Variants in TRRAP observed in about 807,000 individuals in gnomAD.
TRRAP encodes transformation/transcription domain associated protein, also known as transformation/transcription domain-associated protein.
TRRAP carries 41 observed loss-of-function variants against 438.8 expected under a neutral mutation model. The observed-to-expected ratio is 0.09, with a 90% CI of 0.07 to 0.12. The LOEUF (loss-of-function observed/expected upper bound fraction) is 0.12, where lower values mean the gene tolerates loss of function less well. Among genes scored for constraint, TRRAP ranks in the 10% least tolerant of loss-of-function variants. The pLI, the probability that TRRAP is intolerant of heterozygous loss-of-function variation, is 1.00. For synonymous variants in TRRAP, 1,994 were observed against 1,962.9 expected (o/e 1.02, Z -0.42); for missense variants, 3,122 against 5,055.1 (o/e 0.62, Z 11.60).
At chr7:98,901,449 G>T (rs781878382) in intron 11 of TRRAP, among the ~76,000 whole-genome samples, 1 of 152,248 alleles carries the variant, frequency 6.6e-6, no homozygotes, top group South Asian at 2.1e-4. Context: ...ATCCACAGCA[G>T]TAGAATCCCA....
intron 28 of TRRAP, among the ~76,000 whole-genome samples, chr7:98,936,922 T>C (rs143461256): frequency 9.1e-4 from 138 of 152,224 alleles, no homozygotes; most frequent in Non-Finnish European, 1.5e-3. Flanking sequence ...TGCTGGTTGG[T>C]AGGAGCCTTT....
At chr7:98,900,142 A>G (rs1202791156) in intron 10 of TRRAP, among the ~76,000 whole-genome samples, 1 of 151,196 alleles carries the variant, frequency 6.6e-6, no homozygotes, top group Non-Finnish European at 1.5e-5. Flanking sequence ...TCATCTCCAG[A>G]TAGGCTGTGT....
chr7:98,911,214 C>A lies in TRRAP; in HGVS notation c.1950C>A (p.Ile650=). The change falls in exon 17 of 73, where the codon ATC becomes ATA. Residue 650 remains isoleucine (I), a synonymous_variant. Transcript: ENST00000456197. ...TGAACCCCTTAACGTTCAAAGAAAT[C>A]TTCCAAACTACGGTCCCTTATATGG... ...TMMNPLTFKE[I]FQTTVPYMVE... The A allele has an allele frequency of 6.2e-7, 1 of 1,614,182 alleles. No homozygotes were observed. Among genetic ancestry groups the A allele is most frequent in the South Asian group, 1.1e-5 (1 of 91,080 alleles).
chr7:98,923,775 T>G (rs1211247078), intron 21 of TRRAP, among the ~76,000 whole-genome samples: 1 of 152,226 alleles, frequency 6.6e-6, no homozygotes, highest in African/African-American at 2.4e-5. Context: ...CATCACCCTC[T>G]CCTGGTTCCT....
intron 40 of TRRAP, among the ~76,000 whole-genome samples, chr7:98,954,686 C>A (rs1554419088): frequency 2.0e-5 from 3 of 152,224 alleles, no homozygotes; most frequent in Admixed American, 6.5e-5. Context: ...ACATCGGGGC[C>A]TCACCTCTCA....
chr7:98,985,815 A>G (rs146021239), intron 62 of TRRAP, among the ~76,000 whole-genome samples: 6 of 152,244 alleles, frequency 3.9e-5, no homozygotes, highest in African/African-American at 1.4e-4. Flanking sequence ...GACAGACACA[A>G]CCATTCCAAA....
In TRRAP at chr7:98,948,738, G is replaced by T; in HGVS notation, c.4788+53G>T. On this transcript the variant is annotated intron_variant, in intron 35 of 72. Transcript: ENST00000456197. The surrounding 1 kb of genome is among the most constrained non-coding windows in gnomAD (Gnocchi z 4.9). ...GGGTCCCTTCAAATGCTTGTGAGCTGTCGTGCTCTGAAATGTTCAGTTCAT... is the reference window on the plus strand; with the variant it reads ...GGGTCCCTTCAAATGCTTGTGAGCTTTCGTGCTCTGAAATGTTCAGTTCAT... 6.2e-7 allele frequency: 1 copy of T among 1,612,574 alleles called. No homozygotes were observed. Among genetic ancestry groups the T allele is most frequent in the Admixed American group, 1.7e-5 (1 of 59,982 alleles).
chr7:98,890,171 A>G (rs547502101), intron 3 of TRRAP, among the ~76,000 whole-genome samples, 164 bp from the exon 4 acceptor site: 1 of 152,362 alleles, frequency 6.6e-6, no homozygotes, highest in East Asian at 1.9e-4. Context: ...TCAGAAATAC[A>G]ATCATCCTAA....
At chr7:98,887,068 A>T (rs1554404097) in intron 3 of TRRAP, among the ~76,000 whole-genome samples, 1 of 152,010 alleles carries the variant, frequency 6.6e-6, no homozygotes, top group African/African-American at 2.4e-5. Context: ...GCTCAGCTTG[A>T]GTGAATCTTT....
In TRRAP at chr7:98,912,318, A is replaced by G. The variant is rs533159630; in HGVS notation, c.2199+105A>G. The G allele has an allele frequency of 3.2e-6, 4 of 1,232,262 alleles. No individual in the cohort carries two copies. In the African/African-American group the frequency reaches 4.6e-5, roughly 14 times the overall value. The allele number at this position is 1,232,262 out of a possible 1,614,324, so 76.3% of individuals were successfully genotyped here. ...CAGGCTGGTCAGCGTTCTGGACTCA[A>G]GCAATCCACCTGCCTTGATCTCCCC... On this transcript the variant is annotated intron_variant, in intron 18 of 72. Coordinates refer to ENST00000456197, the MANE Select transcript of TRRAP (RefSeq NM_001375524.1).
chr7:98,933,133 A>G, intron 26 of TRRAP, 108 bp from the exon 27 acceptor site: 1 of 1,393,468 alleles, frequency 7.2e-7, no homozygotes, highest in Non-Finnish European at 9.5e-7. Context: ...CCTAATGAGA[A>G]GATATCTGTA....
chr7:98,901,116 A>G (rs548942356), intron 11 of TRRAP, among the ~76,000 whole-genome samples: 31 of 152,324 alleles, frequency 2.0e-4, no homozygotes, highest in Admixed American at 1.9e-3. Context: ...GGCAGCCTTA[A>G]CAAAAAATCC....
At chr7:98,881,704 G>A in intron 2 of TRRAP, 1 of 401,578 alleles carries the variant, frequency 2.5e-6, no homozygotes, top group Non-Finnish European at 4.5e-6. Flanking sequence ...GAGAAGCAAA[G>A]TGATGAGTAA....
chr7:98,994,868 C>A lies in TRRAP; in HGVS notation c.10309+20C>A. ...CGACGGGTGAGTCTCCATTTTCCTT[C>A]CCTTCCATAGGGAGAATTGTGCACG... On this transcript the variant is annotated intron_variant, in intron 67 of 72. Transcript: ENST00000456197. This position sits in a 1 kb window ranked among gnomAD's most constrained non-coding sequence, Gnocchi z 4.8. 1 of 1,605,608 alleles carries A rather than the reference C, an allele frequency of 6.2e-7. No homozygotes were observed. Among genetic ancestry groups the A allele is most frequent in the Non-Finnish European group, 8.5e-7 (1 of 1,173,230 alleles).
At chr7:98,881,411 A>G (rs1795422943) in intron 2 of TRRAP, among the ~76,000 whole-genome samples, 161 bp downstream of exon 2, 1 of 151,982 alleles carries the variant, frequency 6.6e-6, no homozygotes, top group Non-Finnish European at 1.5e-5. Flanking sequence ...CGTCTCTACT[A>G]AAATACAAAA....
At chr7:98,915,353 T>C (rs1225422015) in intron 18 of TRRAP, among the ~76,000 whole-genome samples, 3 of 152,068 alleles carry the variant, frequency 2.0e-5, no homozygotes, top group Admixed American at 6.6e-5. Context: ...CCACCACAGC[T>C]GGCTAATTTT....
chr7:99,001,551 A>G, intron 67 of TRRAP, among the ~76,000 whole-genome samples: 1 of 152,206 alleles, frequency 6.6e-6, no homozygotes, highest in East Asian at 1.9e-4. Context: ...AAAATAAAAA[A>G]TCACAAAACC....
chr7:98,882,500 C>CTA (rs1646462600), intron 3 of TRRAP, among the ~76,000 whole-genome samples: 1 of 150,542 alleles, frequency 6.6e-6, no homozygotes, highest in Non-Finnish European at 1.5e-5. Context: ...GTAGCTGAGA[C>CTA]TATAGGTGCC....
In TRRAP at chr7:98,994,808, A is replaced by G. The variant is rs1793576306; in HGVS notation, c.10269A>G (p.Gln3423=). ...SLARRAQATA[Q]DPVFQKLKGQ... ...CCCGGCGGGCGCAGGCCACTGCACAAGACCCTGTCTTTCAGAAGCTGAAAG... is the reference window on the plus strand; with the variant it reads ...CCCGGCGGGCGCAGGCCACTGCACAGGACCCTGTCTTTCAGAAGCTGAAAG... The change falls in exon 67 of 73, where the codon CAA becomes CAG. Residue 3423 remains glutamine, a synonymous_variant. Transcript: ENST00000456197. This position sits in a 1 kb window ranked among gnomAD's most constrained non-coding sequence, Gnocchi z 4.8. 6.2e-7 allele frequency: 1 copy of G among 1,613,626 alleles called. No homozygotes were observed.
Sources: allele counts gnomAD v4.1 joint callset (sites outside exome capture counted in the v4.1 genomes callset), GRCh38; gene constraint gnomAD v4.1.1; non-coding constraint Gnocchi (gnomAD v3.1); transcripts MANE v1.5; gene names NCBI Gene and HGNC (gene_info 2026-07-23, HGNC 2026-07-21).